Variants in TRERF1 observed in about 807,000 individuals in gnomAD.
The protein encoded by TRERF1 is transcriptional regulating factor 1.
TRERF1 carries 27 observed loss-of-function variants against 122.9 expected under a neutral mutation model. The ratio of observed to expected loss-of-function variants is 0.22; its 90% CI spans 0.16 to 0.30. The LOEUF is 0.30. Ranked by LOEUF, TRERF1 falls within the 10% of genes least tolerant of loss-of-function variation. TRERF1 has a pLI of 1.00. For synonymous variants in TRERF1, 636 were observed against 641.7 expected (o/e 0.99, Z 0.13); for missense variants, 1,248 against 1,560.3 (o/e 0.80, Z 3.37).
At chr6:42,440,369 G>A (rs1044933243) in intron 2 of TRERF1, among the ~76,000 whole-genome samples, 7 of 152,108 alleles carry the variant, frequency 4.6e-5, no homozygotes, top group Admixed American at 3.9e-4. Context: ...GCTCCGCCAC[G>A]CAGCACCTGT....
intron 3 of TRERF1, among the ~76,000 whole-genome samples, chr6:42,303,091 A>G (rs950601405): frequency 1.3e-5 from 2 of 152,256 alleles, no homozygotes; most frequent in African/African-American, 4.8e-5. Context: ...GGGAAAGGAA[A>G]TGAAATTAAC....
At chr6:42,261,933 A>G (rs1208354123) in intron 8 of TRERF1, among the ~76,000 whole-genome samples, 1 of 152,056 alleles carries the variant, frequency 6.6e-6, no homozygotes, top group African/African-American at 2.4e-5. Flanking sequence ...GTCACACTTA[A>G]AGCATCAATT....
intron 3 of TRERF1, among the ~76,000 whole-genome samples, chr6:42,352,462 T>C (rs1374456012): frequency 6.6e-6 from 1 of 152,244 alleles, no homozygotes; most frequent in Non-Finnish European, 1.5e-5. Flanking sequence ...ACATATCTTA[T>C]TTGGTAACCA....
intron 3 of TRERF1, among the ~76,000 whole-genome samples, chr6:42,320,056 T>C (rs1763144550): frequency 6.6e-6 from 1 of 151,768 alleles, no homozygotes; most frequent in South Asian, 2.1e-4. Context: ...CACCCATCAC[T>C]ATGCCCAGCT....
intron 4 of TRERF1, among the ~76,000 whole-genome samples, chr6:42,280,914 G>A (rs1273834069): frequency 6.6e-6 from 1 of 152,238 alleles, no homozygotes; most frequent in Admixed American, 6.5e-5. Flanking sequence ...ATTCATAAAT[G>A]CTTCTAAGAA....
chr6:42,440,265 A>C (rs1462570988), intron 2 of TRERF1, among the ~76,000 whole-genome samples: 1 of 152,160 alleles, frequency 6.6e-6, no homozygotes, highest in Non-Finnish European at 1.5e-5. Flanking sequence ...AGGTCTGTAC[A>C]TAGCAAGTAT....
chr6:42,437,549 C>A (rs931274620), intron 2 of TRERF1, among the ~76,000 whole-genome samples: 8 of 152,186 alleles, frequency 5.3e-5, no homozygotes, highest in African/African-American at 1.7e-4. Context: ...AGAGTTAGCG[C>A]TATCCACGAA....
chr6:42,274,474 A>C (rs1780801078), intron 4 of TRERF1, among the ~76,000 whole-genome samples: 1 of 152,208 alleles, frequency 6.6e-6, no homozygotes, highest in African/African-American at 2.4e-5. Flanking sequence ...CAGGAGTTCA[A>C]GACCAGTCTG....
chr6:42,349,610 C>A (rs1043797800), intron 3 of TRERF1, among the ~76,000 whole-genome samples: 1 of 152,042 alleles, frequency 6.6e-6, no homozygotes, highest in Non-Finnish European at 1.5e-5. Context: ...AGAAGAAAGA[C>A]AATCATAAGC....
chr6:42,429,509 G>C (rs1157414745), intron 2 of TRERF1, among the ~76,000 whole-genome samples: 1 of 152,164 alleles, frequency 6.6e-6, no homozygotes, highest in East Asian at 1.9e-4. Context: ...AGCATAATGA[G>C]TTTTGTTTCA....
chr6:42,372,674 G>A (rs1200270664), intron 2 of TRERF1, among the ~76,000 whole-genome samples: 2 of 152,240 alleles, frequency 1.3e-5, no homozygotes, highest in Non-Finnish European at 2.9e-5. Flanking sequence ...GGATGGCAGA[G>A]AATCGCCTGC....
chr6:42,307,344 C>T (rs1421536013), intron 3 of TRERF1, among the ~76,000 whole-genome samples: 4 of 152,180 alleles, frequency 2.6e-5, no homozygotes, highest in Admixed American at 2.6e-4. Context: ...TCACGTTCAT[C>T]CTAAGGGCCA....
At chr6:42,337,685 C>A (rs1451470085) in intron 3 of TRERF1, among the ~76,000 whole-genome samples, 1 of 152,116 alleles carries the variant, frequency 6.6e-6, no homozygotes, top group East Asian at 1.9e-4. Flanking sequence ...GACACACAGC[C>A]TTCTAATGGG....
chr6:42,296,801 G>A (rs1264461917), intron 4 of TRERF1, among the ~76,000 whole-genome samples: 1 of 152,158 alleles, frequency 6.6e-6, no homozygotes, highest in Non-Finnish European at 1.5e-5. Flanking sequence ...GCCAAGGTCT[G>A]GATGAGAAGC....
chr6:42,316,333 T>G (rs2150397477), intron 3 of TRERF1, among the ~76,000 whole-genome samples: 1 of 152,268 alleles, frequency 6.6e-6, no homozygotes, highest in African/African-American at 2.4e-5. Flanking sequence ...AATGCCTCAA[T>G]GTAGAGGCAG....
At chr6:42,280,776 A>G (rs1433150508) in intron 4 of TRERF1, among the ~76,000 whole-genome samples, 1 of 152,180 alleles carries the variant, frequency 6.6e-6, no homozygotes, top group Non-Finnish European at 1.5e-5. Flanking sequence ...GAGGCCTGGA[A>G]GCCAATTAGG....
intron 14 of TRERF1, among the ~76,000 whole-genome samples, chr6:42,244,102 A>G (rs1774309118): frequency 6.6e-6 from 1 of 151,750 alleles, no homozygotes; most frequent in Admixed American, 6.6e-5. Flanking sequence ...GCTAGTCTCG[A>G]ACTCCTGACC....
At chr6:42,262,817 C>T (rs1778462660) in intron 8 of TRERF1, among the ~76,000 whole-genome samples, 1 of 152,106 alleles carries the variant, frequency 6.6e-6, no homozygotes, top group Non-Finnish European at 1.5e-5. Flanking sequence ...GGTAAGGCTG[C>T]TTGTCAGAAT....
At chr6:42,270,005 T>C (rs770247054) in intron 4 of TRERF1, among the ~76,000 whole-genome samples, 157 bp from the exon 5 acceptor site, 68 of 152,146 alleles carry the variant, frequency 4.5e-4, no homozygotes, top group Non-Finnish European at 7.8e-4. Context: ...CTGGGCAACA[T>C]AGGGAGATCC....
Sources: gnomAD v4.1 joint callset for allele counts (sites outside exome capture counted in the v4.1 genomes callset) on GRCh38, gnomAD v4.1.1 for gene constraint, MANE v1.5 for transcripts, NCBI Gene and HGNC (gene_info 2026-07-23, HGNC 2026-07-21) for gene names.